CLUL1: variants seen among roughly 807,000 people sequenced by gnomAD.
CLUL1 encodes clusterin like 1.
Under a neutral mutation model 49.4 loss-of-function variants are expected in CLUL1, and 43 were observed. The observed-to-expected ratio is 0.87, with a 90% CI of 0.68 to 1.12. The LOEUF (loss-of-function observed/expected upper bound fraction) is 1.12. Ranked by LOEUF, CLUL1 falls within the 50% of genes most tolerant of loss-of-function variation. The pLI is 0.00. For missense variants in CLUL1, 486 were observed against 544.4 expected (o/e 0.89, Z 1.07); for synonymous variants, 192 against 184.9 (o/e 1.04, Z -0.31).
In CLUL1 at chr18:617,817, T is replaced by A. The variant is rs146337166; in HGVS notation, c.-13-171T>A. Among the ~76,000 whole-genome samples, 3 of 152,222 alleles carry A rather than the reference T, an allele frequency of 2.0e-5. No homozygotes were observed. In the East Asian group the frequency reaches 5.8e-4, roughly 29 times the overall value. ...AGGGACTAGAATTTGTTTGTTTTTT[T>A]AACTTACATTTCAAGCTTCCTTATG... On this transcript the variant is annotated intron_variant, in intron 2 of 9. Coordinates refer to ENST00000692774, the MANE Select transcript of CLUL1 (RefSeq NM_001393344.1).
chr18:615,615 A>G (rs1000200696), intron 2 of CLUL1, among the ~76,000 whole-genome samples: 3 of 152,182 alleles, frequency 2.0e-5, no homozygotes, highest in Non-Finnish European at 4.4e-5. Flanking sequence ...CCTGAGAAAA[A>G]TACCCAAAGT....
rs530890007 is a variant in CLUL1 at position 619,750 on chromosome 18, C to T, written c.255+389C>T. Among the ~76,000 whole-genome samples, 5 of 152,062 alleles carry T rather than the reference C, an allele frequency of 3.3e-5. No homozygotes were observed. The East Asian group carries it at 5.8e-4, about 18-fold the overall frequency. On this transcript the variant is annotated intron_variant, in intron 4 of 9. Transcript: ENST00000692774. ...TGTTTCTGTTTTTGAGACAGAGTCTCGCTCTGTCACCCAGGCTGGAGTTGA... is the reference window on the plus strand; with the variant it reads ...TGTTTCTGTTTTTGAGACAGAGTCTTGCTCTGTCACCCAGGCTGGAGTTGA...
rs1283808489 is a variant in CLUL1, at chr18:624,891, TC to T, written c.283del (p.Gln95LysfsTer31). On this transcript the variant is annotated frameshift_variant, in exon 5 of 10. Coordinates refer to ENST00000692774, the MANE Select transcript of CLUL1 (RefSeq NM_001393344.1). LOFTEE classifies it high-confidence loss of function. ...QEALKLLNEV[Q>X]EHLEEEERLC... is the part of the protein sequence containing the mutation. ...AGGCCCTGAAACTTCTGAATGAAGTTCAAGAACATCTGGAGGAAGAAGAAAG... is the reference window on the plus strand; with the variant it reads ...AGGCCCTGAAACTTCTGAATGAAGTTAAGAACATCTGGAGGAAGAAGAAAG... The T allele has an allele frequency of 2.5e-6, 4 of 1,613,958 alleles. 1 individual carries two copies. The East Asian group carries it at 8.9e-5, about 36-fold the overall frequency.
At position 627,498 on chromosome 18, in the gene CLUL1, G is replaced by A. The variant is rs772694442; in HGVS notation, c.825G>A (p.Lys275=). The A allele has an allele frequency of 1.2e-6, 2 of 1,610,168 alleles. No individual in the cohort carries two copies. Among genetic ancestry groups the A allele is most frequent in the South Asian group, 1.1e-5 (1 of 90,636 alleles). Reference sequence around the variant, plus strand: ...GTGAAACAATTACTAAGATGCTGAAGGCAATAGAAGATTTACCAAAACAAG... The same window carrying A: ...GTGAAACAATTACTAAGATGCTGAAAGCAATAGAAGATTTACCAAAACAAG... ...SVSETITKML[K]AIEDLPKQDK... Residue 275 remains lysine, a synonymous_variant, in exon 6 of 10, where the codon AAG becomes AAA. Transcript: ENST00000692774.
At chr18:634,559 C>A (rs16947823) in intron 7 of CLUL1, among the ~76,000 whole-genome samples, 4,343 of 152,154 alleles carry the variant, frequency 0.029, 195 homozygotes, top group African/African-American at 0.098. Flanking sequence ...AAACCTTGAG[C>A]AAATTAGCGC....
intron 4 of CLUL1, among the ~76,000 whole-genome samples, chr18:623,393 C>G (rs1018293475): frequency 6.6e-6 from 1 of 151,978 alleles, no homozygotes; most frequent in Admixed American, 6.6e-5. Context: ...GCCTGCAATC[C>G]CAGCACTTTG....
intron 9 of CLUL1, among the ~76,000 whole-genome samples, chr18:649,317 A>AAT (rs1448508854): frequency 6.6e-6 from 1 of 152,140 alleles, no homozygotes; most frequent in African/African-American, 2.4e-5. Flanking sequence ...TATAAGGTGA[A>AAT]ATATATATTT....
chr18:623,443 G>A (rs1257837113), intron 4 of CLUL1, among the ~76,000 whole-genome samples: 2 of 152,018 alleles, frequency 1.3e-5, no homozygotes, highest in African/African-American at 2.4e-5. Flanking sequence ...CCAGGAGTTC[G>A]AGATCAGCCT....
At chr18:610,024 G>C (rs1188177247) in intron 2 of CLUL1, among the ~76,000 whole-genome samples, 1 of 152,044 alleles carries the variant, frequency 6.6e-6, no homozygotes, top group East Asian at 1.9e-4. Context: ...GCCAATTATG[G>C]ATTAGAGGAT....
intron 9 of CLUL1, among the ~76,000 whole-genome samples, chr18:647,836 C>A (rs72867125): frequency 6.6e-6 from 1 of 152,192 alleles, no homozygotes; most frequent in African/African-American, 2.4e-5. Flanking sequence ...TAGCACTCAA[C>A]TCTTGTAAGT....
chr18:615,086 T>C (rs1478328618), intron 2 of CLUL1, among the ~76,000 whole-genome samples: 1 of 152,264 alleles, frequency 6.6e-6, no homozygotes. Context: ...AAGATGACTT[T>C]GCTTCTAAAT....
In CLUL1 at chr18:598,579, A is replaced by G. The variant is rs1319774876; in HGVS notation, c.-136+1450A>G. 2.8e-5 allele frequency: 11 copies of G among 398,548 alleles called. No individual in the cohort carries two copies. In the East Asian group the frequency reaches 3.6e-4, roughly 13 times the overall value. The allele number at this position is 398,548 out of a possible 1,614,324, so 24.7% of individuals were successfully genotyped here. On this transcript the variant is annotated intron_variant, in intron 1 of 9. Coordinates refer to ENST00000692774, the MANE Select transcript of CLUL1 (RefSeq NM_001393344.1). ...GTACCTCTCTTGGATAATTTACAAC[A>G]CTGGTGAGCAGAGGGTCAGATCACC...
intron 6 of CLUL1, among the ~76,000 whole-genome samples, chr18:628,839 G>T (rs533905802): frequency 1.3e-5 from 2 of 151,754 alleles, no homozygotes; most frequent in East Asian, 3.9e-4. Flanking sequence ...CACCATGTTG[G>T]CCAGGCTGGT....
At chr18:610,499 T>C (rs2073103019) in intron 2 of CLUL1, among the ~76,000 whole-genome samples, 1 of 152,164 alleles carries the variant, frequency 6.6e-6, no homozygotes, top group African/African-American at 2.4e-5. Flanking sequence ...CCCTGAGGGC[T>C]GTGCCGACAG....
At chr18:607,985 G>A (rs1390546636) in intron 2 of CLUL1, among the ~76,000 whole-genome samples, 3 of 152,152 alleles carry the variant, frequency 2.0e-5, no homozygotes, top group South Asian at 2.1e-4. Flanking sequence ...AGTTTTGTAC[G>A]TATCTGAGCA....
intron 6 of CLUL1, 30 bp from the exon 7 acceptor site, chr18:633,268 A>C: frequency 6.3e-7 from 1 of 1,580,594 alleles, no homozygotes; most frequent in Non-Finnish European, 8.6e-7. Flanking sequence ...CTCTTATGAC[A>C]CTAACGTGTA....
chr18:633,899 C>A (rs1422864631), intron 7 of CLUL1, among the ~76,000 whole-genome samples: 2 of 150,634 alleles, frequency 1.3e-5, no homozygotes, highest in African/African-American at 4.9e-5. Flanking sequence ...GGTTGCTTTA[C>A]GAGGAAATTA....
At chr18:625,070 G>A (rs498466) in intron 5 of CLUL1, 38 bp downstream of exon 5, 1,604,910 of 1,606,578 alleles carry the variant, frequency 1, 801,634 homozygotes, top group East Asian at 1. Context: ...CACAGTTCTT[G>A]AGGCACCTAT....
chr18:629,778 A>G (rs1366221362), intron 6 of CLUL1, among the ~76,000 whole-genome samples: 1 of 152,246 alleles, frequency 6.6e-6, no homozygotes, highest in Non-Finnish European at 1.5e-5. Context: ...CTAGCCAGAC[A>G]GTACACAGAA....
Sources: gnomAD v4.1 joint callset for allele counts (sites outside exome capture counted in the v4.1 genomes callset) on GRCh38, gnomAD v4.1.1 for gene constraint, MANE v1.5 for transcripts, NCBI Gene and HGNC (gene_info 2026-07-23, HGNC 2026-07-21) for gene names.